Variants in SRSF7 observed in about 807,000 individuals in gnomAD.
The protein encoded by SRSF7 is serine/arginine-rich splicing factor 7.
In SRSF7, 15 loss-of-function variants were observed where a neutral mutation model predicts 42.2. The ratio of observed to expected loss-of-function variants is 0.36; its 90% confidence interval spans 0.24 to 0.55. The LOEUF is 0.55. Ranked by LOEUF, SRSF7 falls within the 20% of genes least tolerant of loss-of-function variation. The probability of loss-of-function intolerance (pLI) is 0.88; values close to 1 mark genes in which losing one functional copy is unlikely to be tolerated. For missense variants in SRSF7, 181 were observed against 305.9 expected (o/e 0.59, Z 3.04); for synonymous variants, 138 against 107.9 (o/e 1.28, Z -1.73).
Position 38,744,192 on chromosome 2 carries a change from G to T in SRSF7, c.*941C>A. 4.6e-5 allele frequency: 7 copies of T among 152,686 alleles called. No homozygotes were observed. In the East Asian group the frequency reaches 1.4e-3, roughly 29 times the overall value. 9.5% of individuals were successfully genotyped at this position (152,686 alleles called of 1,614,324 possible). A position where few individuals can be genotyped will look rare whatever the true frequency, so the allele number is the denominator to read the frequency against. ...GGCAAAATAGAAGAATGTTGTGGTT[G>T]GGAACTGCAAAACCTAGCTTGAAGA... On this transcript the variant is annotated 3_prime_UTR_variant, in exon 8 of 8. Coordinates refer to ENST00000313117, the MANE Select transcript of SRSF7 (RefSeq NM_001031684.3).
At position 38,743,909 on chromosome 2, in the gene SRSF7, T is replaced by TC; in HGVS notation, c.*1223_*1224insG. On this transcript the variant is annotated 3_prime_UTR_variant, in exon 8 of 8. Transcript: ENST00000313117. The stretch of plus-strand genomic sequence containing the variant: ...TGCGCAACCAGCAGGTTTTTTTTTT[T>TC]TTGTACCAAGGCTAGAGAATGCCTG... 1 of 151,948 alleles carries TC rather than the reference T, an allele frequency of 6.6e-6. No homozygotes were observed. Among genetic ancestry groups the TC allele is most frequent in the Non-Finnish European group, 1.5e-5 (1 of 67,978 alleles). The allele number at this position is 151,948 out of a possible 1,614,324, so 9.4% of individuals were successfully genotyped here. A position where few individuals can be genotyped will look rare whatever the true frequency, so the allele number is the denominator to read the frequency against.
In SRSF7 at chr2:38,744,901, G is replaced by C; in HGVS notation, c.*232C>G. On this transcript the variant is annotated 3_prime_UTR_variant, in exon 8 of 8. Coordinates refer to ENST00000313117, the MANE Select transcript of SRSF7 (RefSeq NM_001031684.3). ...TGAACACAAATCAAAAATCTAGTTA[G>C]AAACATTTTATTTAAATGTGCCAAA... 5 of 456,020 alleles carry C rather than the reference G, an allele frequency of 1.1e-5. No homozygotes were observed. The highest frequency in any genetic ancestry group is 2.0e-5 in the African/African-American group (1 of 50,964). 28.2% of individuals were successfully genotyped at this position (456,020 alleles called of 1,614,324 possible).
intron 3 of SRSF7, chr2:38,749,004 A>C: frequency 7.8e-7 from 1 of 1,288,500 alleles, no homozygotes; most frequent in Non-Finnish European, 1.0e-6. Flanking sequence ...CTTCAATCTA[A>C]CGACGATCAA....
At chr2:38,750,956 G>GA in intron 1 of SRSF7, 1 of 407,650 alleles carries the variant, frequency 2.5e-6, no homozygotes, top group Non-Finnish European at 4.6e-6. Context: ...GCAGCTCCGA[G>GA]AAAGGCAACG....
At chr2:38,749,893 T>C in intron 2 of SRSF7, 121 bp downstream of exon 2, 3 of 1,315,264 alleles carry the variant, frequency 2.3e-6, no homozygotes, top group Non-Finnish European at 3.1e-6. Context: ...CCTTTAGCAT[T>C]TAACACTATG....
Position 38,750,869 on chromosome 2 carries a change from G to A in SRSF7, c.28+360C>T, listed in dbSNP as rs914913472. ...GCTGAAGTGGCGGGAAAGCGCTGAGGAAATGCGCCACCACGGTCCTCAATG... is the reference window on the plus strand; with the variant it reads ...GCTGAAGTGGCGGGAAAGCGCTGAGAAAATGCGCCACCACGGTCCTCAATG... On this transcript the variant is annotated intron_variant, in intron 1 of 7. Transcript: ENST00000313117. 11 of 302,044 alleles carry A rather than the reference G, an allele frequency of 3.6e-5. No homozygotes were observed. In the East Asian group the frequency reaches 4.7e-4, roughly 13 times the overall value. The allele number at this position is 302,044 out of a possible 1,614,324, so 18.7% of individuals were successfully genotyped here.
At chr2:38,745,636 C>G (rs1667264289) in intron 7 of SRSF7, among the ~76,000 whole-genome samples, 1 of 150,952 alleles carries the variant, frequency 6.6e-6, no homozygotes, top group South Asian at 2.1e-4. Flanking sequence ...AGCCTGGGGA[C>G]AGAGCGAAAA....
chr2:38,745,390 C>T (rs369888787), intron 7 of SRSF7, among the ~76,000 whole-genome samples: 134 of 152,302 alleles, frequency 8.8e-4, no homozygotes, highest in African/African-American at 2.9e-3. Context: ...CGGTGGCTCA[C>T]GCCTGTAACC....
chr2:38,751,441 A>G (rs912084338), upstream of SRSF7: 5 of 761,516 alleles, frequency 6.6e-6, no homozygotes, highest in African/African-American at 7.0e-5. Context: ...TGCGCGGCAC[A>G]AAGGAGCTGG....
chr2:38,747,102 C>T (rs1431028977), intron 5 of SRSF7: 3 of 483,986 alleles, frequency 6.2e-6, no homozygotes, highest in Non-Finnish European at 1.3e-5. Flanking sequence ...CACTGTGGTA[C>T]ACAATGGCAG....
At chr2:38,750,297 G>A (rs542789615) in intron 1 of SRSF7, 103 bp from the exon 2 acceptor site, 1 of 1,078,796 alleles carries the variant, frequency 9.3e-7, no homozygotes, top group Non-Finnish European at 1.3e-6. Context: ...ATTGGGTAAA[G>A]CACATTTAAT....
In SRSF7 at chr2:38,751,274, C is replaced by G; in HGVS notation, c.-18G>C. ...CGCGACATGATGACAGACCCGCGTG[C>G]TCGGCTCTTTAGCAAGCAGCGCCCA... On this transcript the variant is annotated 5_prime_UTR_variant, in exon 1 of 8. Transcript: ENST00000313117. 3 of 1,614,052 alleles carry G rather than the reference C, an allele frequency of 1.9e-6. No individual in the cohort carries two copies. Among genetic ancestry groups the G allele is most frequent in the Non-Finnish European group, 2.5e-6 (3 of 1,179,904 alleles).
At chr2:38,749,816 C>T (rs370748614) in intron 2 of SRSF7, 111 bp from the exon 3 acceptor site, 4 of 1,332,980 alleles carry the variant, frequency 3.0e-6, no homozygotes, top group Non-Finnish European at 2.0e-6. Flanking sequence ...CCTTCCCCCC[C>T]AACAAACTTT....
chr2:38,745,831 T>C (rs934019429), intron 7 of SRSF7, among the ~76,000 whole-genome samples: 3 of 152,148 alleles, frequency 2.0e-5, no homozygotes, highest in African/African-American at 7.2e-5. Context: ...TTCCAAGACT[T>C]TTCTCCACAC....
chr2:38,747,019 G>T, intron 5 of SRSF7: 1 of 610,358 alleles, frequency 1.6e-6, no homozygotes. Context: ...GGAAATACAT[G>T]GTTTTCATTT....
intron 2 of SRSF7, 45 bp downstream of exon 2, chr2:38,749,969 C>A (rs1394468804): frequency 7.1e-6 from 11 of 1,551,780 alleles, no homozygotes; most frequent in South Asian, 2.4e-5. Flanking sequence ...ATTATCTAGC[C>A]ACAGTATATT....
At chr2:38,749,850 T>TC in intron 2 of SRSF7, 145 bp from the exon 3 acceptor site, 1 of 1,245,472 alleles carries the variant, frequency 8.0e-7, no homozygotes, top group Non-Finnish European at 1.1e-6. Flanking sequence ...AAGCCCTAAC[T>TC]CCATCTCCGC....
intron 2 of SRSF7, 46 bp downstream of exon 2, chr2:38,749,968 C>T (rs1167384393): frequency 6.5e-7 from 1 of 1,550,318 alleles, no homozygotes. Flanking sequence ...CATTATCTAG[C>T]CACAGTATAT....
chr2:38,749,944 T>C (rs2148493647), intron 2 of SRSF7, 70 bp downstream of exon 2: 1 of 1,494,070 alleles, frequency 6.7e-7, no homozygotes, highest in Non-Finnish European at 9.0e-7. Context: ...AGAATCCAAA[T>C]TTAGCACTAA....
Sources: allele counts gnomAD v4.1 joint callset (sites outside exome capture counted in the v4.1 genomes callset), GRCh38; gene constraint gnomAD v4.1.1; transcripts MANE v1.5; gene names NCBI Gene and HGNC (gene_info 2026-07-23, HGNC 2026-07-21).